The following COPS9 variants were observed in gnomAD, a reference collection of about 807,000 sequenced individuals.
COPS9 encodes the protein COP9 signalosome complex subunit 9.
COPS9 carries 8 observed loss-of-function variants against 7.2 expected under a neutral mutation model. The ratio of observed to expected loss-of-function variants is 1.11; its 90% confidence interval spans 0.65 to 2.00. COPS9 has a LOEUF of 2.00. Among genes scored for constraint, COPS9 ranks in the 30% most tolerant of loss-of-function variants. The pLI is 0.00. For synonymous variants in COPS9, 39 were observed against 28.7 expected (o/e 1.36, Z -1.14); for missense variants, 74 against 77.7 (o/e 0.95, Z 0.18).
chr2:240,136,121 G>A, intron 1 of COPS9, 101 bp downstream of exon 1: 1 of 566,412 alleles, frequency 1.8e-6, no homozygotes. Context: ...TCGCCCACCC[G>A]CCCGGCCTCC....
Position 240,132,704 on chromosome 2 carries a change from T to C in COPS9, c.136+1229A>G, listed in dbSNP as rs1381486361. ...GGGACTTTGAAGGAGATCATCAAAA[T>C]GCAAGCGTGTGGTGCCAGCATTAGC... is the stretch of plus-strand genomic sequence containing the variant. On this transcript the variant is annotated intron_variant, in intron 2 of 2. Coordinates refer to ENST00000607357, the MANE Select transcript of COPS9 (RefSeq NM_001163424.2). This position sits in a 1 kb window ranked among gnomAD's most constrained non-coding sequence, Gnocchi z 4.1. Among the ~76,000 whole-genome samples, 4 of 152,170 alleles carry C rather than the reference T, an allele frequency of 2.6e-5. No homozygotes were observed. The highest frequency in any genetic ancestry group is 5.9e-5 in the Non-Finnish European group (4 of 68,032).
chr2:240,129,820 C>T, downstream of COPS9: 2 of 1,148,766 alleles, frequency 1.7e-6, no homozygotes, highest in Non-Finnish European at 2.5e-6. Flanking sequence ...CTGCTCCTCG[C>T]CTGCAGATAA....
downstream of COPS9, chr2:240,126,650 A>G (rs890145315): frequency 6.2e-7 from 1 of 1,613,714 alleles, no homozygotes; most frequent in Non-Finnish European, 8.5e-7. Flanking sequence ...TAAAACATTT[A>G]CCCCTCCAGT....
At chr2:240,126,638 C>A (rs1161952308), downstream of COPS9, 1 of 1,614,214 alleles carries the variant, frequency 6.2e-7, no homozygotes, top group Non-Finnish European at 8.5e-7. Flanking sequence ...TTTCATCACT[C>A]TTAAAACATT....
At chr2:240,133,624 G>A (rs1183173663) in intron 2 of COPS9, among the ~76,000 whole-genome samples, 1 of 152,202 alleles carries the variant, frequency 6.6e-6, no homozygotes, top group Non-Finnish European at 1.5e-5. Flanking sequence ...GTGGGGTGAG[G>A]GCCCAGACCT....
downstream of COPS9, among the ~76,000 whole-genome samples, chr2:240,128,854 C>A (rs1218057776): frequency 6.6e-6 from 1 of 152,192 alleles, no homozygotes; most frequent in African/African-American, 2.4e-5. Flanking sequence ...GAAGAAGCTG[C>A]AAGGATTCTG....
chr2:240,128,138 G>A (rs2071885447), downstream of COPS9, among the ~76,000 whole-genome samples: 1 of 152,206 alleles, frequency 6.6e-6, no homozygotes, highest in African/African-American at 2.4e-5. Flanking sequence ...GCAGAAGGTG[G>A]GCGAATCACA....
At chr2:240,136,023 C>A (rs938319012) in intron 1 of COPS9, 199 bp downstream of exon 1, 6 of 886,886 alleles carry the variant, frequency 6.8e-6, no homozygotes, top group Non-Finnish European at 9.4e-6. Context: ...ACACGCTTCC[C>A]GCCGCGGTCG....
At chr2:240,130,789 C>T (rs185266720), downstream of COPS9, 98 of 1,364,226 alleles carry the variant, frequency 7.2e-5, no homozygotes, top group Non-Finnish European at 8.7e-5. Context: ...GGGACTGCAA[C>T]ATTCACTCAT....
downstream of COPS9, chr2:240,126,836 TTC>T: frequency 6.2e-7 from 1 of 1,614,242 alleles, no homozygotes; most frequent in Non-Finnish European, 8.5e-7. Flanking sequence ...ACAGCGGATG[TTC>T]TCTGCATCTG....
downstream of COPS9, chr2:240,126,654 C>G (rs768308288): frequency 7.4e-6 from 12 of 1,614,064 alleles, no homozygotes; most frequent in African/African-American, 1.3e-4. Context: ...ACATTTACCC[C>G]TCCAGTGAGT....
chr2:240,126,619 C>A (rs537568768), downstream of COPS9: 26 of 1,614,070 alleles, frequency 1.6e-5, no homozygotes, highest in Non-Finnish European at 1.9e-5. Context: ...CCACCAGCAA[C>A]GGATGGTGTT....
At chr2:240,130,470 G>A (rs1428525756), downstream of COPS9, among the ~76,000 whole-genome samples, 1 of 152,208 alleles carries the variant, frequency 6.6e-6, no homozygotes, top group East Asian at 1.9e-4. Context: ...TCCTGCAGTC[G>A]CATCCTGTCG....
chr2:240,135,699 C>T (rs1211356520), intron 1 of COPS9, among the ~76,000 whole-genome samples: 1 of 152,244 alleles, frequency 6.6e-6, no homozygotes, highest in Non-Finnish European at 1.5e-5. Flanking sequence ...CCAGATGTCT[C>T]CTTTTCCGCT....
Position 240,130,990 on chromosome 2 carries a change from C to A in COPS9, c.*61G>T, listed in dbSNP as rs750494334. 101 of 1,596,832 alleles carry A rather than the reference C, an allele frequency of 6.3e-5. No individual in the cohort carries two copies. Among genetic ancestry groups the A allele is most frequent in the Admixed American group, 4.6e-4 (26 of 56,576 alleles). On this transcript the variant is annotated 3_prime_UTR_variant, in exon 3 of 3. Coordinates refer to ENST00000607357, the MANE Select transcript of COPS9 (RefSeq NM_001163424.2). ...TTTAAAACCACCTGAAACTGTCCTG[C>A]GCAGGCTCACACTGCGGCTCTGTAC...
chr2:240,130,937 C>T lies in COPS9; in HGVS notation c.*114G>A. 1 of 1,504,388 alleles carries T rather than the reference C, an allele frequency of 6.6e-7. No homozygotes were observed. Among genetic ancestry groups the T allele is most frequent in the East Asian group, 2.4e-5 (1 of 41,234 alleles). 93.2% of individuals were successfully genotyped at this position (1,504,388 alleles called of 1,614,324 possible). A position where few individuals can be genotyped will look rare whatever the true frequency, so the allele number is the denominator to read the frequency against. Reference sequence around the variant, plus strand: ...GTCTTATCTTTCTGGTTAACCAGGTCCTAAATTCAAGGGATTTCCACGTGT... The same window carrying T: ...GTCTTATCTTTCTGGTTAACCAGGTTCTAAATTCAAGGGATTTCCACGTGT... On this transcript the variant is annotated 3_prime_UTR_variant, in exon 3 of 3. Transcript: ENST00000607357.
At chr2:240,135,308 C>A (rs2071964824) in intron 1 of COPS9, among the ~76,000 whole-genome samples, 1 of 152,186 alleles carries the variant, frequency 6.6e-6, no homozygotes, top group South Asian at 2.1e-4. Flanking sequence ...AGAGTCGACT[C>A]CTCAGCTGTA....
At chr2:240,126,827 C>T (rs2106553724), downstream of COPS9, 1 of 1,614,226 alleles carries the variant, frequency 6.2e-7, no homozygotes, top group South Asian at 1.1e-5. Context: ...TGGTGCCACA[C>T]AGCGGATGTT....
At chr2:240,126,652 C>T (rs202053233), downstream of COPS9, 31 of 1,614,174 alleles carry the variant, frequency 1.9e-5, no homozygotes, top group East Asian at 6.5e-4. Flanking sequence ...AAACATTTAC[C>T]CCTCCAGTGA....
Sources: allele counts gnomAD v4.1 joint callset (sites outside exome capture counted in the v4.1 genomes callset), GRCh38; gene constraint gnomAD v4.1.1; non-coding constraint Gnocchi (gnomAD v3.1); transcripts MANE v1.5; gene names NCBI Gene and HGNC (gene_info 2026-07-23, HGNC 2026-07-21).